CCDC148: variants seen among roughly 807,000 people sequenced by gnomAD.
CCDC148 encodes the protein coiled-coil domain containing 148.
Under a neutral mutation model 85.7 loss-of-function variants are expected in CCDC148, and 89 were observed. The ratio of observed to expected loss-of-function variants is 1.04; its 90% CI spans 0.87 to 1.24. The LOEUF is 1.24. Among genes scored for constraint, CCDC148 ranks in the 50% most tolerant of loss-of-function variants. The pLI is 0.00. For synonymous variants in CCDC148, 230 were observed against 213.9 expected, an observed-to-expected ratio of 1.08 and a Z score of -0.66; for missense variants, 692 against 671.7, an observed-to-expected ratio of 1.03 and a Z score of -0.33.
chr2:158,263,738 T>A (rs59856041), intron 9 of CCDC148, among the ~76,000 whole-genome samples: 2 of 152,052 alleles, frequency 1.3e-5, no homozygotes, highest in African/African-American at 4.8e-5. Flanking sequence ...AAATAAAATA[T>A]CTAGTACATT....
At chr2:158,225,202 CAAA>C (rs1687436715) in intron 10 of CCDC148, among the ~76,000 whole-genome samples, 1 of 152,084 alleles carries the variant, frequency 6.6e-6, no homozygotes, top group Non-Finnish European at 1.5e-5. Flanking sequence ...TCAAAAGAGA[CAAA>C]GAAGGCCATT....
chr2:158,283,849 G>C (rs550369254), intron 9 of CCDC148, among the ~76,000 whole-genome samples: 65 of 138,618 alleles, frequency 4.7e-4, no homozygotes, highest in African/African-American at 1.5e-3. Flanking sequence ...TGGCACTATT[G>C]ACAATAGCAA....
At chr2:158,433,261 A>AATATATATAT (rs375554012) in intron 1 of CCDC148, among the ~76,000 whole-genome samples, 7,738 of 122,390 alleles carry the variant, frequency 0.063, 623 homozygotes, top group Non-Finnish European at 0.095. Context: ...CCTTGACTCA[A>AATATATATAT]ATATATATAT....
chr2:158,402,910 G>C lies in CCDC148; in HGVS notation c.26-44340C>G, dbSNP rs569053637. Reference sequence around the variant, plus strand: ...TTGTTTTAAGAGATTTTCCAGAGCTGAGAATAGAACATGTCTCTAAGGCTC... The same window carrying C: ...TTGTTTTAAGAGATTTTCCAGAGCTCAGAATAGAACATGTCTCTAAGGCTC... On this transcript the variant is annotated intron_variant, in intron 1 of 13. Coordinates refer to ENST00000283233, the MANE Select transcript of CCDC148 (RefSeq NM_138803.4). Among the ~76,000 whole-genome samples the C allele has an allele frequency of 8.1e-4, 124 of 152,232 alleles. No homozygotes were observed. In the Middle Eastern group the frequency reaches 0.014, roughly 17 times the overall value.
chr2:158,422,983 G>T (rs898933122), intron 1 of CCDC148, among the ~76,000 whole-genome samples: 1 of 152,020 alleles, frequency 6.6e-6, no homozygotes, highest in African/African-American at 2.4e-5. Context: ...ATTCAGAATT[G>T]CTTCAAAGAG....
chr2:158,179,157 T>A, intron 11 of CCDC148, among the ~76,000 whole-genome samples, 161 bp from the exon 12 acceptor site: 1 of 131,758 alleles, frequency 7.6e-6, no homozygotes, highest in South Asian at 2.5e-4. Context: ...GACACTCATA[T>A]AAAATGCAAT....
intron 11 of CCDC148, among the ~76,000 whole-genome samples, chr2:158,182,641 C>G (rs1372448448): frequency 2.6e-5 from 4 of 152,096 alleles, no homozygotes; most frequent in Non-Finnish European, 2.9e-5. Context: ...AAGTGATGAT[C>G]AAGGTTACTC....
chr2:158,405,279 TA>T (rs1193147200), intron 1 of CCDC148, among the ~76,000 whole-genome samples: 1 of 152,162 alleles, frequency 6.6e-6, no homozygotes, highest in Non-Finnish European at 1.5e-5. Flanking sequence ...ACAGAATTTT[TA>T]AATTGCCTAT....
At chr2:158,174,273 A>G (rs957397458) in intron 13 of CCDC148, among the ~76,000 whole-genome samples, 2 of 152,066 alleles carry the variant, frequency 1.3e-5, no homozygotes, top group African/African-American at 4.8e-5. Flanking sequence ...CCCAGCCAAT[A>G]AACAGCGGAT....
intron 2 of CCDC148, among the ~76,000 whole-genome samples, chr2:158,354,548 T>G (rs1157497360): frequency 2.6e-5 from 4 of 152,214 alleles, no homozygotes; most frequent in African/African-American, 7.2e-5. Context: ...AATCTCTGAA[T>G]AGACCAAGAA....
At chr2:158,443,515 A>AAAAAAAAAAAAAAAAAGAAAAGAAAAG (rs1553524474) in intron 1 of CCDC148, among the ~76,000 whole-genome samples, 1 of 100,896 alleles carries the variant, frequency 9.9e-6, no homozygotes, top group Non-Finnish European at 2.0e-5. Flanking sequence ...AAAAAAAAAA[A>AAAAAAAAAAAAAAAAAGAAAAGAAAAG]AAAAAAAAGA....
intron 10 of CCDC148, among the ~76,000 whole-genome samples, chr2:158,233,949 G>C: frequency 6.6e-6 from 1 of 152,050 alleles, no homozygotes; most frequent in Non-Finnish European, 1.5e-5. Context: ...AGGCCGAGGT[G>C]GGTGGAGCAC....
chr2:158,285,732 T>C (rs1298592769), intron 9 of CCDC148, among the ~76,000 whole-genome samples: 2 of 151,738 alleles, frequency 1.3e-5, no homozygotes, highest in Non-Finnish European at 2.9e-5. Context: ...GAGACGGGGT[T>C]TCACCATTTT....
chr2:158,173,668 G>A (rs1012627297), intron 13 of CCDC148, among the ~76,000 whole-genome samples: 4 of 151,970 alleles, frequency 2.6e-5, no homozygotes, highest in Admixed American at 6.6e-5. Context: ...TTGGGGCAAC[G>A]ATGAGTATGA....
chr2:158,217,979 G>C (rs1200232252), intron 11 of CCDC148, among the ~76,000 whole-genome samples: 1 of 152,156 alleles, frequency 6.6e-6, no homozygotes, highest in Non-Finnish European at 1.5e-5. Context: ...GACAACTTCT[G>C]GTTACTATCG....
At chr2:158,352,761 A>C (rs1683390044) in intron 2 of CCDC148, among the ~76,000 whole-genome samples, 1 of 151,760 alleles carries the variant, frequency 6.6e-6, no homozygotes, top group Non-Finnish European at 1.5e-5. Flanking sequence ...AGCAACTCCA[A>C]GACACATAAT....
intron 1 of CCDC148, 97 bp downstream of exon 1, chr2:158,456,318 A>C: frequency 8.3e-7 from 1 of 1,208,970 alleles, no homozygotes; most frequent in Non-Finnish European, 1.2e-6. Context: ...ACCCCAGGGA[A>C]GGGGGAGTGG....
chr2:158,202,120 GAATA>G (rs1340700955), intron 11 of CCDC148, among the ~76,000 whole-genome samples: 2 of 152,098 alleles, frequency 1.3e-5, no homozygotes, highest in Non-Finnish European at 2.9e-5. Context: ...GAAATTTTAT[GAATA>G]ATTAAAATTT....
intron 11 of CCDC148, among the ~76,000 whole-genome samples, chr2:158,195,359 TA>T (rs61331069): frequency 0.016 from 2,403 of 152,224 alleles, 63 homozygotes; most frequent in African/African-American, 0.053. Flanking sequence ...CCTTTAAGTT[TA>T]TGGTCCAAAT....
Sources: gnomAD v4.1 joint callset for allele counts (sites outside exome capture counted in the v4.1 genomes callset) on GRCh38, gnomAD v4.1.1 for gene constraint, MANE v1.5 for transcripts, NCBI Gene and HGNC (gene_info 2026-07-23, HGNC 2026-07-21) for gene names.